The following KCNN2 variants were observed in gnomAD, a reference collection of about 807,000 sequenced individuals.
KCNN2 encodes the protein small conductance calcium-activated potassium channel protein 2.
Under a neutral mutation model 55.5 loss-of-function variants are expected in KCNN2, and 24 were observed. The ratio of observed to expected loss-of-function variants is 0.43; its 90% confidence interval spans 0.31 to 0.61. The LOEUF is 0.61. KCNN2 is among the 20% of genes least tolerant of loss of function. The pLI, the probability that KCNN2 is intolerant of heterozygous loss-of-function variation, is 0.08. For synonymous variants in KCNN2, 431 were observed against 336.1 expected, an observed-to-expected ratio of 1.28 and a Z score of -3.09; for missense variants, 754 against 853.6, an observed-to-expected ratio of 0.88 and a Z score of 1.45.
At chr5:114,066,875 G>T (rs771520438) in intron 1 of KCNN2, among the ~76,000 whole-genome samples, 1 of 152,114 alleles carries the variant, frequency 6.6e-6, no homozygotes, top group Non-Finnish European at 1.5e-5. Flanking sequence ...CACCGTGCCT[G>T]GCTATGATTC....
At chr5:114,201,452 G>A (rs1753671754) in intron 1 of KCNN2, among the ~76,000 whole-genome samples, 1 of 152,084 alleles carries the variant, frequency 6.6e-6, no homozygotes, top group Non-Finnish European at 1.5e-5. Context: ...CATCTCAGGT[G>A]CACAGCATGA....
At chr5:114,347,385 T>G (rs1025164017) in intron 2 of KCNN2, among the ~76,000 whole-genome samples, 2 of 152,186 alleles carry the variant, frequency 1.3e-5, no homozygotes, top group Admixed American at 6.5e-5. Context: ...CCTAGAATGG[T>G]ACTCATCAAT....
intron 2 of KCNN2, among the ~76,000 whole-genome samples, chr5:114,356,413 A>T (rs754177389): frequency 6.6e-6 from 1 of 152,150 alleles, no homozygotes; most frequent in Non-Finnish European, 1.5e-5. Context: ...TTTGTTCATG[A>T]AATCCAGATT....
At chr5:114,315,459 GTGTGTGTATA>G (rs138891077) in intron 2 of KCNN2, among the ~76,000 whole-genome samples, 17,309 of 103,220 alleles carry the variant, frequency 0.17, 1,000 homozygotes, top group African/African-American at 0.23. Context: ...GTGTGTGTGT[GTGTGTGTATA>G]TATATATAAA....
At chr5:114,490,380 G>A (rs1045701059) in intron 6 of KCNN2, among the ~76,000 whole-genome samples, 12 of 152,110 alleles carry the variant, frequency 7.9e-5, no homozygotes, top group Admixed American at 7.9e-4. Context: ...AATATTTCTT[G>A]TTGTTTACTT....
intron 2 of KCNN2, among the ~76,000 whole-genome samples, chr5:114,269,818 G>A (rs987609067): frequency 1.3e-5 from 2 of 152,124 alleles, no homozygotes; most frequent in Non-Finnish European, 2.9e-5. Flanking sequence ...GAAAATAGTA[G>A]TTCTAAATAT....
intron 2 of KCNN2, among the ~76,000 whole-genome samples, chr5:114,365,702 C>G (rs1757580143): frequency 6.6e-6 from 1 of 152,134 alleles, no homozygotes; most frequent in African/African-American, 2.4e-5. Flanking sequence ...CCCTCTAAAT[C>G]CAAAAGTTTG....
chr5:114,092,478 T>C (rs1220901720), intron 1 of KCNN2, among the ~76,000 whole-genome samples: 1 of 152,218 alleles, frequency 6.6e-6, no homozygotes, highest in Non-Finnish European at 1.5e-5. Flanking sequence ...TCTGTCATTC[T>C]GGGATCTGGA....
intron 5 of KCNN2, among the ~76,000 whole-genome samples, chr5:114,483,132 T>C (rs1422361040): frequency 6.6e-6 from 1 of 152,168 alleles, no homozygotes; most frequent in Non-Finnish European, 1.5e-5. Flanking sequence ...TGTATCTTAC[T>C]ACCCATGGTT....
intron 1 of KCNN2, among the ~76,000 whole-genome samples, chr5:114,145,087 A>G (rs1010031356): frequency 6.6e-6 from 1 of 152,208 alleles, no homozygotes; most frequent in African/African-American, 2.4e-5. Flanking sequence ...TCAGGTCCTA[A>G]GTGGGGAACA....
chr5:114,219,226 ATGT>A (rs1306894511), intron 1 of KCNN2, among the ~76,000 whole-genome samples: 1 of 152,048 alleles, frequency 6.6e-6, no homozygotes, highest in Non-Finnish European at 1.5e-5. Flanking sequence ...GCTGACTTAA[ATGT>A]TAAAAGCTTA....
intron 2 of KCNN2, among the ~76,000 whole-genome samples, chr5:114,304,767 T>C (rs7725196): frequency 0.13 from 20,217 of 152,196 alleles, 1,824 homozygotes; most frequent in Non-Finnish European, 0.18. Context: ...CCCCTCAAAA[T>C]TGAGAACTTT....
At chr5:114,428,547 G>T (rs1039005142) in intron 3 of KCNN2, among the ~76,000 whole-genome samples, 1 of 152,034 alleles carries the variant, frequency 6.6e-6, no homozygotes, top group Admixed American at 6.6e-5. Context: ...CACAGGTAAA[G>T]ATCAAATAAA....
At position 114,316,525 on chromosome 5, in the gene KCNN2, A is replaced by C. The variant is rs1756506352; in HGVS notation, c.-184-44420A>C. On this transcript the variant is annotated intron_variant, in intron 2 of 10. Transcript: ENST00000512097. Reference sequence around the variant, plus strand: ...GCTGGGGAGAAGCAGACCCGCAGATACACAATTGTTGGGTACTTTTCCAGC... The same window carrying C: ...GCTGGGGAGAAGCAGACCCGCAGATCCACAATTGTTGGGTACTTTTCCAGC... 2.0e-5 allele frequency among the ~76,000 whole-genome samples: 3 copies of C among 152,210 alleles called. No individual in the cohort carries two copies. The South Asian group carries it at 6.2e-4, about 32-fold the overall frequency.
intron 1 of KCNN2, among the ~76,000 whole-genome samples, chr5:114,198,118 A>G (rs1344698026): frequency 6.6e-6 from 1 of 151,930 alleles, no homozygotes; most frequent in Non-Finnish European, 1.5e-5. Context: ...TAAATAGTTT[A>G]TTCTCTGTAG....
intron 1 of KCNN2, among the ~76,000 whole-genome samples, chr5:114,083,506 T>C (rs1333726037): frequency 1.3e-5 from 2 of 152,126 alleles, no homozygotes; most frequent in Admixed American, 6.5e-5. Context: ...CTTGTTAACC[T>C]GATTTTGGAA....
intron 2 of KCNN2, among the ~76,000 whole-genome samples, chr5:114,348,764 C>T (rs73782205): frequency 0.035 from 5,265 of 152,166 alleles, 274 homozygotes; most frequent in African/African-American, 0.12. Flanking sequence ...TATGCCACCT[C>T]GGAAAACTGT....
intron 2 of KCNN2, among the ~76,000 whole-genome samples, chr5:114,313,200 A>G (rs1756439765): frequency 6.6e-6 from 1 of 152,106 alleles, no homozygotes; most frequent in Non-Finnish European, 1.5e-5. Flanking sequence ...AACATTGAAG[A>G]TTGTCACCTC....
intron 5 of KCNN2, among the ~76,000 whole-genome samples, chr5:114,481,529 T>G (rs768363010): frequency 3.9e-5 from 6 of 152,096 alleles, no homozygotes; most frequent in Non-Finnish European, 8.8e-5. Flanking sequence ...CTTCACAGAA[T>G]TAGAAAAAAA....
Sources: gnomAD v4.1 joint callset for allele counts (sites outside exome capture counted in the v4.1 genomes callset) on GRCh38, gnomAD v4.1.1 for gene constraint, MANE v1.5 for transcripts, NCBI Gene and HGNC (gene_info 2026-07-23, HGNC 2026-07-21) for gene names.